The following R3HDM1 variants were observed in gnomAD, a reference collection of about 807,000 sequenced individuals.
R3HDM1 encodes the protein R3H domain-containing protein 1.
R3HDM1 carries 46 observed loss-of-function variants against 141.1 expected under a neutral mutation model. That is an observed-to-expected ratio of 0.33 (90% CI 0.26 to 0.42). The LOEUF (loss-of-function observed/expected upper bound fraction) is 0.42. Among genes scored for constraint, R3HDM1 ranks in the 10% least tolerant of loss-of-function variants. The pLI, the probability that R3HDM1 is intolerant of heterozygous loss-of-function variation, is 1.00. For missense variants in R3HDM1, 1,184 were observed against 1,368.3 expected, an observed-to-expected ratio of 0.87 and a Z score of 2.12; for synonymous variants, 435 against 472.9, an observed-to-expected ratio of 0.92 and a Z score of 1.04.
chr2:135,610,462 T>A (rs2060439496), intron 3 of R3HDM1, among the ~76,000 whole-genome samples: 1 of 152,220 alleles, frequency 6.6e-6, no homozygotes, highest in African/African-American at 2.4e-5. Flanking sequence ...CTAAAGTACA[T>A]GTTTTGTATA....
At chr2:135,631,524 T>C (rs2062715237) in intron 7 of R3HDM1, among the ~76,000 whole-genome samples, 194 bp from the exon 8 acceptor site, 1 of 152,170 alleles carries the variant, frequency 6.6e-6, no homozygotes, top group Admixed American at 6.5e-5. Context: ...AAAACTTCTG[T>C]AATAAAAAGT....
intron 21 of R3HDM1, among the ~76,000 whole-genome samples, chr2:135,685,999 A>G (rs563351673): frequency 1.3e-5 from 2 of 152,310 alleles, no homozygotes; most frequent in East Asian, 3.9e-4. Flanking sequence ...AGAAAAAAAA[A>G]GGGTTAAAGA....
rs756304488 is a variant in R3HDM1 at position 135,621,493 on chromosome 2, G to A, written c.304-1G>A. 1 of 1,548,970 alleles carries A rather than the reference G, an allele frequency of 6.5e-7. No individual in the cohort carries two copies. The highest frequency in any genetic ancestry group is 8.7e-7 in the Non-Finnish European group (1 of 1,147,372). On this transcript the variant is annotated splice_acceptor_variant, in intron 5 of 26. Coordinates refer to ENST00000683871, the MANE Select transcript of R3HDM1 (RefSeq NM_001378107.1). LOFTEE classifies it high-confidence loss of function. ...GAATAATTGACTTTGCCTTCCAACAGGAGAAAATTCAGATCCAGTTAACAC... is the reference window on the plus strand; with the variant it reads ...GAATAATTGACTTTGCCTTCCAACAAGAGAAAATTCAGATCCAGTTAACAC...
rs12992340 is a variant in R3HDM1 at position 135,632,712 on chromosome 2, A to G, written c.698+711A>G. ...AATCCTAAAACAACTAGCTGAGTTCAGCTGAAATTTATATTTTGATGGTGA... is the reference window on the plus strand; with the variant it reads ...AATCCTAAAACAACTAGCTGAGTTCGGCTGAAATTTATATTTTGATGGTGA... On this transcript the variant is annotated intron_variant, in intron 9 of 26. Transcript: ENST00000683871. Among the ~76,000 whole-genome samples the G allele has an allele frequency of 4.7e-3, 723 of 152,340 alleles. 7 individuals carry two copies. Among genetic ancestry groups the G allele is most frequent in the African/African-American group, 0.016 (679 of 41,586 alleles).
chr2:135,707,137 TTC>T (rs1250229890), intron 21 of R3HDM1, among the ~76,000 whole-genome samples: 2 of 152,384 alleles, frequency 1.3e-5, no homozygotes, highest in Non-Finnish European at 2.9e-5. Context: ...TGTTTCATTT[TTC>T]TGTTAAAGGG....
At chr2:135,630,053 A>AT (rs775537927) in intron 7 of R3HDM1, among the ~76,000 whole-genome samples, 2 of 150,526 alleles carry the variant, frequency 1.3e-5, no homozygotes, top group African/African-American at 2.4e-5. Flanking sequence ...AAAAAGGATG[A>AT]TTTAAAAAAA....
intron 7 of R3HDM1, among the ~76,000 whole-genome samples, chr2:135,625,466 TTAAAA>T (rs955140117): frequency 7.9e-5 from 12 of 152,208 alleles, no homozygotes; most frequent in East Asian, 3.9e-4. Context: ...AATGAATTAA[TTAAAA>T]TAAAATAACA....
At chr2:135,575,212 CTG>C (rs1026573623) in intron 1 of R3HDM1, among the ~76,000 whole-genome samples, 4 of 152,312 alleles carry the variant, frequency 2.6e-5, no homozygotes, top group African/African-American at 9.6e-5. Context: ...TCGACCCAAA[CTG>C]TTTTTTGGTT....
At chr2:135,597,020 C>T (rs1574196897) in intron 1 of R3HDM1, 1 of 984,270 alleles carries the variant, frequency 1.0e-6, no homozygotes, top group Non-Finnish European at 1.2e-6. Context: ...CATTGTCTTC[C>T]CCATTTCTCC....
chr2:135,649,933 C>G lies in R3HDM1; in HGVS notation c.1655C>G (p.Pro552Arg), dbSNP rs1412436239. ...PVHPLQSSSQ[P>R]VQYSTAPYPS... ...CATCCTCTGCAGTCCTCTTCACAGCCTGTTCAGTACTCTACAGCCCCTTAC... is the reference window on the plus strand; with the variant it reads ...CATCCTCTGCAGTCCTCTTCACAGCGTGTTCAGTACTCTACAGCCCCTTAC... Residue 552 changes from proline to arginine, a missense_variant, in exon 17 of 27, where the codon CCT (proline) becomes CGT (arginine). By Grantham distance (103) the Pro-to-Arg change is moderately radical. Around this residue, in one of 5 missense-constraint regions of R3HDM1, gnomAD observed 563 missense variants for 562.0 expected, o/e 1.00. Coordinates refer to ENST00000683871, the MANE Select transcript of R3HDM1 (RefSeq NM_001378107.1). The G allele has an allele frequency of 7.7e-7, 1 of 1,291,398 alleles. No individual in the cohort carries two copies. Among genetic ancestry groups the G allele is most frequent in the Non-Finnish European group, 1.0e-6 (1 of 982,308 alleles). The allele number at this position is 1,291,398 out of a possible 1,614,324, so 80.0% of individuals were successfully genotyped here. A position where few individuals can be genotyped will look rare whatever the true frequency, so the allele number is the denominator to read the frequency against.
intron 7 of R3HDM1, 97 bp downstream of exon 7, chr2:135,622,829 G>A (rs905411879): frequency 4.8e-5 from 66 of 1,366,488 alleles, no homozygotes; most frequent in Non-Finnish European, 6.2e-5. Context: ...GAATAAGATT[G>A]CAGATATTTG....
chr2:135,610,888 T>A (rs1026087235), intron 3 of R3HDM1, among the ~76,000 whole-genome samples: 2 of 152,098 alleles, frequency 1.3e-5, no homozygotes, highest in African/African-American at 2.4e-5. Flanking sequence ...GAGGTTTACC[T>A]GAGCCCAGGA....
rs141127857 is a variant in R3HDM1, at chr2:135,663,382, CT to C, written c.2152+1991del. 3.0e-3 allele frequency among the ~76,000 whole-genome samples: 452 copies of C among 152,288 alleles called. 1 individual carries two copies. Among genetic ancestry groups the C allele is most frequent in the African/African-American group, 0.01 (426 of 41,568 alleles). ...AAAATGTTTGACATTGTGTTTGACT[CT>C]TATGAGTCAGTCATAATATAACACT... is the stretch of plus-strand genomic sequence containing the variant. On this transcript the variant is annotated intron_variant, in intron 19 of 26. Transcript: ENST00000683871.
intron 21 of R3HDM1, among the ~76,000 whole-genome samples, chr2:135,706,475 T>TAAACAAGTGAAAA (rs2074941955): frequency 6.6e-6 from 1 of 152,082 alleles, no homozygotes; most frequent in Non-Finnish European, 1.5e-5. Flanking sequence ...GGTCAGCAGA[T>TAAACAAGTGAAAA]AAACAAGTGA....
At chr2:135,547,470 A>C (rs1265510667) in intron 1 of R3HDM1, among the ~76,000 whole-genome samples, 2 of 150,644 alleles carry the variant, frequency 1.3e-5, no homozygotes, top group Non-Finnish European at 3.0e-5. Flanking sequence ...TGGAGTTTCT[A>C]ATTGTCTTTT....
chr2:135,638,891 T>C lies in R3HDM1; in HGVS notation c.993-5T>C. ...GCTTTTCAAGGTTTTATTTCTAAAT[T>C]ACAGAGTTAATAAAGATGCTTCAGG... On this transcript the variant is annotated splice_region_variant and splice_polypyrimidine_tract_variant and intron_variant, in intron 13 of 26. Transcript: ENST00000683871. 1 of 1,613,296 alleles carries C rather than the reference T, an allele frequency of 6.2e-7. No individual in the cohort carries two copies.
At position 135,724,376 on chromosome 2, in the gene R3HDM1, CATT is replaced by C. The variant is rs3832058; in HGVS notation, c.*87_*89del. On this transcript the variant is annotated 3_prime_UTR_variant, in exon 27 of 27. Coordinates refer to ENST00000683871, the MANE Select transcript of R3HDM1 (RefSeq NM_001378107.1). ...GCTTGGTATTTGGAGCTTCTGTTAA[CATT>C]ATAGAGACTCCTAGGATGTGTGTTC... is the stretch of plus-strand genomic sequence containing the variant. The C allele has an allele frequency of 1.9e-3, 2,033 of 1,059,230 alleles. 48 individuals are homozygous for C. In the East Asian group the frequency reaches 0.046, roughly 24 times the overall value. 65.6% of individuals were successfully genotyped at this position (1,059,230 alleles called of 1,614,324 possible).
intron 21 of R3HDM1, among the ~76,000 whole-genome samples, chr2:135,698,620 CTGAG>C (rs1239945650): frequency 6.6e-6 from 1 of 152,144 alleles, no homozygotes. Flanking sequence ...ATGCCTGAGA[CTGAG>C]TAATCTATAA....
At chr2:135,715,812 C>G (rs2105453743) in intron 24 of R3HDM1, 118 bp downstream of exon 24, 1 of 1,240,890 alleles carries the variant, frequency 8.1e-7, no homozygotes, top group Non-Finnish European at 1.1e-6. Flanking sequence ...GCATCTTCAC[C>G]TACACTCAGG....
Sources: allele counts gnomAD v4.1 joint callset (sites outside exome capture counted in the v4.1 genomes callset), GRCh38; gene constraint gnomAD v4.1.1; regional missense constraint gnomAD v4.1.1; transcripts MANE v1.5; gene names NCBI Gene and HGNC (gene_info 2026-07-23, HGNC 2026-07-21).